NUP37: variants seen among roughly 807,000 people sequenced by gnomAD.
NUP37 encodes the protein nucleoporin Nup37.
A neutral mutation model predicts 45.4 loss-of-function variants in NUP37; 33 were observed. The observed-to-expected ratio is 0.73, with a 90% CI of 0.55 to 0.97. The LOEUF is 0.97. NUP37 is among the 50% of genes least tolerant of loss of function. NUP37 has a pLI of 0.00. For synonymous variants in NUP37, 127 were observed against 130.7 expected (o/e 0.97, Z 0.19); for missense variants, 365 against 389.7 (o/e 0.94, Z 0.53).
chr12:102,108,983 G>C (rs1880235884), intron 3 of NUP37, among the ~76,000 whole-genome samples: 1 of 152,208 alleles, frequency 6.6e-6, no homozygotes. Context: ...TCAGCAAATA[G>C]AGGAGTTACA....
chr12:102,116,578 TCAGA>T (rs779867063), intron 2 of NUP37, among the ~76,000 whole-genome samples: 31 of 152,248 alleles, frequency 2.0e-4, no homozygotes, highest in Non-Finnish European at 4.3e-4. Context: ...CATATTCTAC[TCAGA>T]CAGCAACAAA....
rs141748287 is a variant in NUP37, at chr12:102,080,317, G to C, written c.541-2814C>G. On this transcript the variant is annotated intron_variant, in intron 6 of 9. Transcript: ENST00000552283. Reference sequence around the variant, plus strand: ...AGCACTTGTAGTCCCAGATACTCAGGAGGCTGAGGCAGGAGGATCACTTGA... The same window carrying C: ...AGCACTTGTAGTCCCAGATACTCAGCAGGCTGAGGCAGGAGGATCACTTGA... Among the ~76,000 whole-genome samples, 899 of 152,332 alleles carry C rather than the reference G, an allele frequency of 5.9e-3. 11 individuals carry two copies. The highest frequency in any genetic ancestry group is 0.021 in the African/African-American group (854 of 41,572).
chr12:102,085,265 CA>C (rs1181708086), intron 6 of NUP37, among the ~76,000 whole-genome samples: 1 of 151,680 alleles, frequency 6.6e-6, no homozygotes, highest in South Asian at 2.1e-4. Context: ...ACCAAAAATA[CA>C]AAAAAATTAG....
At chr12:102,116,939 T>C (rs1482578106) in intron 2 of NUP37, among the ~76,000 whole-genome samples, 4 of 151,990 alleles carry the variant, frequency 2.6e-5, no homozygotes, top group African/African-American at 9.7e-5. Context: ...GAGGCAGAGG[T>C]TGCAGTGAGC....
chr12:102,088,302 T>C (rs1461961035), intron 5 of NUP37, among the ~76,000 whole-genome samples: 3 of 152,204 alleles, frequency 2.0e-5, no homozygotes, highest in Non-Finnish European at 2.9e-5. Context: ...ATAGCTCATC[T>C]GGTTAATATT....
Position 102,074,171 on chromosome 12 carries a change from G to T in NUP37, c.*183C>A, listed in dbSNP as rs74241017. ...AAAAATATATATATATACACACACA[G>T]AGAACAGAGTAGAAAAATAATTTTT... On this transcript the variant is annotated 3_prime_UTR_variant, in exon 10 of 10. Transcript: ENST00000552283. 1.8e-4 allele frequency: 68 copies of T among 373,992 alleles called. No homozygotes were observed. Among genetic ancestry groups the T allele is most frequent in the African/African-American group, 1.3e-3 (62 of 47,946 alleles). The allele number at this position is 373,992 out of a possible 1,614,324, so 23.2% of individuals were successfully genotyped here.
At position 102,074,263 on chromosome 12, in the gene NUP37, T is replaced by C. The variant is rs1879105976; in HGVS notation, c.*91A>G. 1 of 671,926 alleles carries C rather than the reference T, an allele frequency of 1.5e-6. No individual in the cohort carries two copies. The highest frequency in any genetic ancestry group is 2.9e-5 in the Admixed American group (1 of 34,162). The allele number at this position is 671,926 out of a possible 1,614,324, so 41.6% of individuals were successfully genotyped here. ...TTTCTAAAGTATACGGTATATTTGATATAAAAATTCTTCAAAATATGTACT... is the reference window on the plus strand; with the variant it reads ...TTTCTAAAGTATACGGTATATTTGACATAAAAATTCTTCAAAATATGTACT... On this transcript the variant is annotated 3_prime_UTR_variant, in exon 10 of 10. Transcript: ENST00000552283.
At chr12:102,091,334 G>A (rs1046924186) in intron 5 of NUP37, among the ~76,000 whole-genome samples, 1 of 142,564 alleles carries the variant, frequency 7.0e-6, no homozygotes, top group Non-Finnish European at 1.5e-5. Flanking sequence ...GGAGGCGGAG[G>A]TTGCAGTGAG....
chr12:102,089,315 G>T (rs1478569834), intron 5 of NUP37, among the ~76,000 whole-genome samples: 1 of 151,954 alleles, frequency 6.6e-6, no homozygotes, highest in African/African-American at 2.4e-5. Context: ...TCACTTCCCA[G>T]ACGGGGTGGC....
intron 6 of NUP37, among the ~76,000 whole-genome samples, chr12:102,083,748 C>G (rs140127385): frequency 6.6e-6 from 1 of 152,106 alleles, no homozygotes. Context: ...GGAACATATA[C>G]GCAAAGTTGC....
intron 3 of NUP37, among the ~76,000 whole-genome samples, chr12:102,108,143 T>G (rs752765211): frequency 1.3e-5 from 2 of 152,162 alleles, no homozygotes; most frequent in African/African-American, 4.8e-5. Context: ...GAGATTAACA[T>G]CTGAGTCAGT....
intron 6 of NUP37, 21 bp from the exon 7 acceptor site, chr12:102,077,524 A>C: frequency 1.3e-6 from 2 of 1,597,596 alleles, no homozygotes; most frequent in Non-Finnish European, 1.7e-6. Flanking sequence ...GAAAAATAAA[A>C]AGAAACTCAA....
At chr12:102,077,227 A>G in intron 7 of NUP37, 95 bp downstream of exon 7, 2 of 1,275,274 alleles carry the variant, frequency 1.6e-6, no homozygotes, top group South Asian at 1.2e-5. Context: ...GCTTGACAGC[A>G]TAGTCTCAGG....
Position 102,105,106 on chromosome 12 carries a change from T to C in NUP37, c.282-4002A>G, listed in dbSNP as rs1880094995. Among the ~76,000 whole-genome samples, 3 of 152,234 alleles carry C rather than the reference T, an allele frequency of 2.0e-5. No homozygotes were observed. The South Asian group carries it at 6.2e-4, about 31-fold the overall frequency. ...CTATTTATTTGTGTCTTTAATTTCT[T>C]TCTGCAATGTTTTGTAGCTTTTAGT... On this transcript the variant is annotated intron_variant, in intron 3 of 9. Transcript: ENST00000552283.
At chr12:102,100,486 A>G (rs1193691814) in intron 4 of NUP37, among the ~76,000 whole-genome samples, 1 of 152,220 alleles carries the variant, frequency 6.6e-6, no homozygotes, top group Non-Finnish European at 1.5e-5. Context: ...TTGCTCAGTC[A>G]ATGCTCATAA....
At chr12:102,115,674 G>A in intron 2 of NUP37, 1 of 220,024 alleles carries the variant, frequency 4.5e-6, no homozygotes, top group Non-Finnish European at 7.7e-6. Flanking sequence ...TAATCAAAGG[G>A]ACAACATGAG....
intron 6 of NUP37, among the ~76,000 whole-genome samples, chr12:102,080,924 C>T (rs915303418): frequency 9.2e-5 from 14 of 152,256 alleles, no homozygotes; most frequent in South Asian, 2.1e-4. Context: ...TTATGGACTA[C>T]GGAAGGGCTA....
chr12:102,085,574 G>A (rs893304919), intron 6 of NUP37, among the ~76,000 whole-genome samples, 192 bp downstream of exon 6: 1 of 152,150 alleles, frequency 6.6e-6, no homozygotes, highest in Non-Finnish European at 1.5e-5. Context: ...GATGATGGCT[G>A]TCAAATAAAA....
intron 1 of NUP37, among the ~76,000 whole-genome samples, chr12:102,119,672 T>C (rs1046461202): frequency 6.6e-6 from 1 of 152,152 alleles, no homozygotes; most frequent in Non-Finnish European, 1.5e-5. Context: ...CATCAGGGAC[T>C]GGAGACTTTT....
Sources: allele counts gnomAD v4.1 joint callset (sites outside exome capture counted in the v4.1 genomes callset), GRCh38; gene constraint gnomAD v4.1.1; transcripts MANE v1.5; gene names NCBI Gene and HGNC (gene_info 2026-07-23, HGNC 2026-07-21).